MAP4K3: variants seen among roughly 807,000 people sequenced by gnomAD.
MAP4K3 encodes MAPK/ERK kinase kinase kinase 3.
In MAP4K3, 94 loss-of-function variants were observed where a neutral mutation model predicts 143.5. The ratio of observed to expected loss-of-function variants is 0.65; its 90% CI spans 0.55 to 0.78. The LOEUF (loss-of-function observed/expected upper bound fraction) is 0.78. Among genes scored for constraint, MAP4K3 ranks in the 30% least tolerant of loss-of-function variants. The pLI, the probability that MAP4K3 is intolerant of heterozygous loss-of-function variation, is 0.00. For missense variants in MAP4K3, 1,077 were observed against 1,068.1 expected (o/e 1.01, Z -0.12); for synonymous variants, 416 against 347.2 (o/e 1.20, Z -2.20).
At chr2:39,292,659 C>T (rs997752981) in intron 18 of MAP4K3, 114 bp downstream of exon 18, 31 of 829,700 alleles carry the variant, frequency 3.7e-5, no homozygotes, top group Admixed American at 7.6e-5. Flanking sequence ...TGAGATACAA[C>T]CCATGATATT....
chr2:39,274,637 A>G (rs1319906463), intron 24 of MAP4K3, among the ~76,000 whole-genome samples: 2 of 152,202 alleles, frequency 1.3e-5, no homozygotes, highest in Admixed American at 1.3e-4. Flanking sequence ...ATAAGAATAT[A>G]ACAGTTAAGA....
At chr2:39,408,185 T>C (rs1325483169) in intron 1 of MAP4K3, among the ~76,000 whole-genome samples, 4 of 152,216 alleles carry the variant, frequency 2.6e-5, no homozygotes, top group African/African-American at 4.8e-5. Flanking sequence ...CTGGATTGGT[T>C]CCTTCCATGC....
intron 27 of MAP4K3, among the ~76,000 whole-genome samples, chr2:39,266,054 A>G (rs1680748627): frequency 6.6e-6 from 1 of 152,230 alleles, no homozygotes; most frequent in Non-Finnish European, 1.5e-5. Flanking sequence ...CTGTCCCGCC[A>G]AAGAAAACAG....
In MAP4K3 at chr2:39,288,237, T is replaced by A. The variant is rs201340154; in HGVS notation, c.1358A>T (p.Asp453Val). The A allele has an allele frequency of 3.7e-6, 6 of 1,614,098 alleles. No individual in the cohort carries two copies. The highest frequency in any genetic ancestry group is 2.2e-5 in the East Asian group (1 of 44,868). Residue 453 changes from aspartate (D) to valine (V), a missense_variant, in exon 20 of 34, where the codon GAT (aspartate) becomes GTT (valine). Coordinates refer to ENST00000263881, the MANE Select transcript of MAP4K3 (RefSeq NM_003618.4). The stretch of plus-strand genomic sequence containing the variant: ...TCTCTTGATTGTTCCTTGATTTTCA[T>A]CCTCAGTAGAATGCATTTCCTGTGG... ...FIPQEMHSTE[D>V]ENQGTIKRCP...
At position 39,392,571 on chromosome 2, in the gene MAP4K3, C is replaced by A. The variant is rs562492607; in HGVS notation, c.97-14448G>T. ...AATACAAACTGATATATGTTTTATACTTCTTGCTGAGAAAAATGTTTACAG... is the reference window on the plus strand; with the variant it reads ...AATACAAACTGATATATGTTTTATAATTCTTGCTGAGAAAAATGTTTACAG... On this transcript the variant is annotated intron_variant, in intron 1 of 33. Coordinates refer to ENST00000263881, the MANE Select transcript of MAP4K3 (RefSeq NM_003618.4). 9.9e-5 allele frequency among the ~76,000 whole-genome samples: 15 copies of A among 152,270 alleles called. No homozygotes were observed. In the South Asian group the frequency reaches 3.1e-3, roughly 32 times the overall value.
In MAP4K3 at chr2:39,407,175, CCTGATACAAACTCAGCAAACAGG is replaced by C. The variant is rs549904236; in HGVS notation, c.97-29075_97-29053del. Among the ~76,000 whole-genome samples, 41 of 152,126 alleles carry C rather than the reference CCTGATACAAACTCAGCAAACAGG, an allele frequency of 2.7e-4. 2 individuals carry two copies. The East Asian group carries it at 5.8e-3, about 22-fold the overall frequency. On this transcript the variant is annotated intron_variant, in intron 1 of 33. Transcript: ENST00000263881. ...AAGTAAATAAAATCTAAAATCTGTTCCTGATACAAACTCAGCAAACAGGAAATAAAGAGAACTGTGCCAATATA... is the reference window on the plus strand; with the variant it reads ...AAGTAAATAAAATCTAAAATCTGTTCAAATAAAGAGAACTGTGCCAATATA...
At chr2:39,290,444 A>C in intron 18 of MAP4K3, 110 bp from the exon 19 acceptor site, 1 of 660,570 alleles carries the variant, frequency 1.5e-6, no homozygotes, top group Non-Finnish European at 2.5e-6. Flanking sequence ...GACAAATATC[A>C]TTTTCTAAGA....
chr2:39,308,039 T>C (rs998415185), intron 14 of MAP4K3, 34 bp from the exon 15 acceptor site: 1 of 1,504,362 alleles, frequency 6.6e-7, no homozygotes, highest in East Asian at 2.4e-5. Flanking sequence ...CCAAGTTATT[T>C]ACGCTTAGAC....
chr2:39,318,548 C>T (rs1422167224), intron 12 of MAP4K3, among the ~76,000 whole-genome samples: 3 of 151,944 alleles, frequency 2.0e-5, no homozygotes, highest in African/African-American at 4.8e-5. Flanking sequence ...TAGACACCTG[C>T]GATAACGGGC....
intron 3 of MAP4K3, among the ~76,000 whole-genome samples, chr2:39,353,305 T>C (rs1426560766): frequency 1.3e-5 from 2 of 152,130 alleles, no homozygotes; most frequent in Non-Finnish European, 2.9e-5. Context: ...GAACTTCAAT[T>C]AGGGAATAAG....
intron 3 of MAP4K3, 24 bp downstream of exon 3, chr2:39,356,225 T>C: frequency 1.4e-6 from 2 of 1,416,216 alleles, no homozygotes; most frequent in Non-Finnish European, 2.0e-6. Flanking sequence ...TTATTGCTTT[T>C]CAAAAGGGAA....
At chr2:39,372,864 A>G (rs979587741) in intron 2 of MAP4K3, among the ~76,000 whole-genome samples, 1 of 152,226 alleles carries the variant, frequency 6.6e-6, no homozygotes, top group East Asian at 1.9e-4. Context: ...GAAAATCTCC[A>G]TGACACTGGT....
chr2:39,360,477 C>T (rs544014370), intron 2 of MAP4K3, among the ~76,000 whole-genome samples: 1 of 152,278 alleles, frequency 6.6e-6, no homozygotes, highest in South Asian at 2.1e-4. Flanking sequence ...CAAACTGTTC[C>T]AACCTCTGCC....
intron 2 of MAP4K3, among the ~76,000 whole-genome samples, chr2:39,373,797 A>C (rs971120667): frequency 2.0e-5 from 3 of 152,204 alleles, no homozygotes; most frequent in African/African-American, 7.2e-5. Flanking sequence ...TGGGAAGCTT[A>C]CAGGGCTTGG....
At chr2:39,324,431 A>C (rs1011722383) in intron 12 of MAP4K3, among the ~76,000 whole-genome samples, 1 of 152,072 alleles carries the variant, frequency 6.6e-6, no homozygotes, top group African/African-American at 2.4e-5. Flanking sequence ...CAAAACAAAA[A>C]AAACTTCTTC....
chr2:39,378,386 A>G (rs1033289690), intron 1 of MAP4K3, among the ~76,000 whole-genome samples: 2 of 152,188 alleles, frequency 1.3e-5, no homozygotes, highest in Non-Finnish European at 2.9e-5. Flanking sequence ...ATGTTTTAAT[A>G]TTAATTCATT....
At chr2:39,426,242 C>T (rs6759495) in intron 1 of MAP4K3, among the ~76,000 whole-genome samples, 145,565 of 152,074 alleles carry the variant, frequency 0.96, 70,018 homozygotes, top group East Asian at 1. Flanking sequence ...ATAAATGATG[C>T]GTACTACTCA....
At chr2:39,414,123 C>T (rs992135541) in intron 1 of MAP4K3, among the ~76,000 whole-genome samples, 2 of 152,136 alleles carry the variant, frequency 1.3e-5, no homozygotes, top group Non-Finnish European at 2.9e-5. Context: ...TTACAATAAG[C>T]AACATGTTCC....
At chr2:39,277,752 G>C (rs1175531962) in intron 24 of MAP4K3, among the ~76,000 whole-genome samples, 2 of 151,756 alleles carry the variant, frequency 1.3e-5, no homozygotes, top group African/African-American at 4.8e-5. Context: ...TTTTAGTAGA[G>C]ACAGGGTTTC....
Sources: gnomAD v4.1 joint callset for allele counts (sites outside exome capture counted in the v4.1 genomes callset) on GRCh38, gnomAD v4.1.1 for gene constraint, MANE v1.5 for transcripts, NCBI Gene and HGNC (gene_info 2026-07-23, HGNC 2026-07-21) for gene names.